The following CBR4 variants were observed in gnomAD, a reference collection of about 807,000 sequenced individuals.
CBR4 encodes carbonyl reductase 4, also known as 3-oxoacyl-[acyl-carrier-protein] reductase.
Under a neutral mutation model 21.0 loss-of-function variants are expected in CBR4, and 22 were observed. The observed-to-expected ratio is 1.05, with a 90% confidence interval of 0.75 to 1.50. The LOEUF (loss-of-function observed/expected upper bound fraction) is 1.50. CBR4 is among the 40% of genes most tolerant of loss of function. The probability of loss-of-function intolerance (pLI) is 0.00; values close to 1 mark genes in which losing one functional copy is unlikely to be tolerated. For synonymous variants in CBR4, 100 were observed against 104.4 expected, an observed-to-expected ratio of 0.96 and a Z score of 0.26; for missense variants, 302 against 286.3, an observed-to-expected ratio of 1.05 and a Z score of -0.40.
intron 2 of CBR4, among the ~76,000 whole-genome samples, chr4:168,910,220 C>CTTTT (rs70961563): frequency 5.3e-5 from 6 of 114,012 alleles, no homozygotes; most frequent in Non-Finnish European, 5.5e-5. Context: ...AACCTGTTTA[C>CTTTT]TTTTTTTTTT....
At chr4:168,944,632 T>C (rs549606882) in intron 2 of CBR4, among the ~76,000 whole-genome samples, 2 of 152,290 alleles carry the variant, frequency 1.3e-5, no homozygotes, top group African/African-American at 2.4e-5. Flanking sequence ...ATTTAGACAA[T>C]ATATACATTT....
intron 2 of CBR4, among the ~76,000 whole-genome samples, chr4:168,906,034 C>T (rs900243889): frequency 2.0e-5 from 3 of 152,052 alleles, no homozygotes; most frequent in Admixed American, 2.0e-4. Context: ...ATTTCCTTGA[C>T]ATTAACAAAT....
chr4:168,946,823 A>G (rs1023305371), intron 2 of CBR4, among the ~76,000 whole-genome samples: 1 of 152,188 alleles, frequency 6.6e-6, no homozygotes, highest in African/African-American at 2.4e-5. Flanking sequence ...TTGAGAACTG[A>G]TGAGCTAAAG....
At chr4:168,894,836 T>G (rs1754770250) in intron 2 of CBR4, 2 of 1,176,192 alleles carry the variant, frequency 1.7e-6, no homozygotes, top group South Asian at 2.8e-5. Flanking sequence ...AGCTAATTTT[T>G]ATTGAGCACA....
intron 4 of CBR4, among the ~76,000 whole-genome samples, chr4:168,996,421 T>C (rs914673715): frequency 1.0e-4 from 12 of 119,594 alleles, no homozygotes; most frequent in East Asian, 2.9e-4. Flanking sequence ...CACCCCCCCC[T>C]TTCCATTTCC....
chr4:168,974,810 T>A (rs1764320005), intron 2 of CBR4, among the ~76,000 whole-genome samples: 2 of 152,154 alleles, frequency 1.3e-5, no homozygotes, highest in Non-Finnish European at 2.9e-5. Context: ...CCATATCCTT[T>A]ATTTTTTTTT....
chr4:168,920,606 C>T lies in CBR4; in HGVS notation n.170-25841G>A, dbSNP rs575536733. Among the ~76,000 whole-genome samples the T allele has an allele frequency of 1.2e-4, 19 of 152,234 alleles. No individual in the cohort carries two copies. The East Asian group carries it at 1.7e-3, about 14-fold the overall frequency. ...AGATGGCGACCATCCTGACCCTTTG[C>T]GGCACAACATGTTATTAGCAATTAA... On this transcript the variant is annotated intron_variant and non_coding_transcript_variant, in intron 2 of 3. Transcript: ENST00000509108.
At chr4:168,963,755 G>A (rs1004758571) in intron 2 of CBR4, among the ~76,000 whole-genome samples, 13 of 151,918 alleles carry the variant, frequency 8.6e-5, no homozygotes, top group Non-Finnish European at 1.3e-4. Flanking sequence ...ATGAGCCACC[G>A]CGCCCAACCT....
intron 2 of CBR4, among the ~76,000 whole-genome samples, chr4:168,945,132 T>C (rs1560956760): frequency 6.6e-6 from 1 of 152,154 alleles, no homozygotes; most frequent in Non-Finnish European, 1.5e-5. Flanking sequence ...AGGAACTTCC[T>C]AGAAATGCAA....
At chr4:168,959,357 C>T (rs923488844) in intron 2 of CBR4, among the ~76,000 whole-genome samples, 1 of 152,128 alleles carries the variant, frequency 6.6e-6, no homozygotes, top group Non-Finnish European at 1.5e-5. Flanking sequence ...TGTGTGGCTC[C>T]ACTTCTGGGT....
rs73864665 is a variant in CBR4 at position 168,913,630 on chromosome 4, G to T, written n.170-18865C>A. ...TCATGTGTTACGGAGACCTTTGCAG[G>T]TTACAATTAATCAAGGGTTGTCATT... On this transcript the variant is annotated intron_variant and non_coding_transcript_variant, in intron 2 of 3. Coordinates refer to the CBR4 transcript ENST00000509108. 2.8e-3 allele frequency among the ~76,000 whole-genome samples: 422 copies of T among 151,904 alleles called. 3 individuals are homozygous for T. The highest frequency in any genetic ancestry group is 0.01 in the African/African-American group (416 of 41,400).
intron 2 of CBR4, among the ~76,000 whole-genome samples, chr4:168,964,527 C>T (rs895969905): frequency 3.9e-5 from 6 of 152,152 alleles, no homozygotes; most frequent in African/African-American, 1.4e-4. Flanking sequence ...GAATAGTATG[C>T]AATACTCTTC....
At chr4:168,919,566 G>C (rs1285741040) in intron 2 of CBR4, among the ~76,000 whole-genome samples, 1 of 149,324 alleles carries the variant, frequency 6.7e-6, no homozygotes, top group Non-Finnish European at 1.5e-5. Flanking sequence ...TGTACAGATA[G>C]ATCAGGAAAA....
chr4:168,924,843 T>C, intron 2 of CBR4: 2 of 1,186,976 alleles, frequency 1.7e-6, no homozygotes, highest in South Asian at 2.5e-5. Context: ...TATCAGCTAC[T>C]TGCACAATTC....
intron 2 of CBR4, among the ~76,000 whole-genome samples, chr4:168,945,792 C>CAA (rs1169779360): frequency 6.6e-6 from 1 of 152,232 alleles, no homozygotes; most frequent in African/African-American, 2.4e-5. Context: ...CCCCAAACAA[C>CAA]AACAAAAACT....
intron 2 of CBR4, among the ~76,000 whole-genome samples, chr4:168,908,576 G>A (rs2151358661): frequency 6.6e-6 from 1 of 152,200 alleles, no homozygotes; most frequent in East Asian, 1.9e-4. Context: ...GAAAACTGAA[G>A]TTGACTCCTT....
At chr4:168,936,972 T>C (rs546980327) in intron 2 of CBR4, among the ~76,000 whole-genome samples, 1 of 152,072 alleles carries the variant, frequency 6.6e-6, no homozygotes, top group Non-Finnish European at 1.5e-5. Flanking sequence ...ACCCCAAGAT[T>C]CATAATCATC....
rs145450025 is a variant in CBR4 at position 168,994,896 on chromosome 4, A to G, written c.536-4568T>C. Among the ~76,000 whole-genome samples, 774 of 152,072 alleles carry G rather than the reference A, an allele frequency of 5.1e-3. 4 individuals carry two copies. Among genetic ancestry groups the G allele is most frequent in the African/African-American group, 0.017 (715 of 41,472 alleles). On this transcript the variant is annotated intron_variant, in intron 4 of 4. Coordinates refer to ENST00000306193, the MANE Select transcript of CBR4 (RefSeq NM_032783.5). Reference sequence around the variant, plus strand: ...TAGCCTCCCGAGTAGTTAGGATTACACGCATGCATCACCACACCAGGCTAA... The same window carrying G: ...TAGCCTCCCGAGTAGTTAGGATTACGCGCATGCATCACCACACCAGGCTAA...
intron 2 of CBR4, chr4:168,921,840 AT>A: frequency 1.1e-6 from 1 of 946,314 alleles, no homozygotes; most frequent in Non-Finnish European, 1.7e-6. Context: ...AAAATAAAGT[AT>A]TGAAAAAATA....
Sources: gnomAD v4.1 joint callset for allele counts (sites outside exome capture counted in the v4.1 genomes callset) on GRCh38, gnomAD v4.1.1 for gene constraint, MANE v1.5 for transcripts, NCBI Gene and HGNC (gene_info 2026-07-23, HGNC 2026-07-21) for gene names.